The following JPH3 variants were observed in gnomAD, a reference collection of about 807,000 sequenced individuals.
JPH3 encodes the protein junctophilin 3.
JPH3 carries 11 observed loss-of-function variants against 59.6 expected under a neutral mutation model. The observed-to-expected ratio is 0.18, with a 90% confidence interval of 0.12 to 0.31. The LOEUF is 0.31. JPH3 is among the 10% of genes least tolerant of loss of function. JPH3 has a pLI of 1.00. For synonymous variants in JPH3, 673 were observed against 483.6 expected, an observed-to-expected ratio of 1.39 and a Z score of -5.14; for missense variants, 1,202 against 1,105.7, an observed-to-expected ratio of 1.09 and a Z score of -1.24.
chr16:87,668,270 G>C (rs960905099), intron 2 of JPH3, among the ~76,000 whole-genome samples: 1 of 152,142 alleles, frequency 6.6e-6, no homozygotes, highest in African/African-American at 2.4e-5. Context: ...TGACAGCAGC[G>C]CTGCTGTCTC....
intron 2 of JPH3, among the ~76,000 whole-genome samples, chr16:87,677,602 G>C (rs1287878755): frequency 1.3e-5 from 2 of 152,182 alleles, no homozygotes; most frequent in East Asian, 3.9e-4. Flanking sequence ...GCCTGCCCAG[G>C]TAAAGCAGCT....
At chr16:87,673,166 A>G (rs746950218) in intron 2 of JPH3, among the ~76,000 whole-genome samples, 7 of 152,142 alleles carry the variant, frequency 4.6e-5, no homozygotes, top group Non-Finnish European at 8.8e-5. Flanking sequence ...AAAAGTTTAA[A>G]TGTAAAACAT....
In JPH3 at chr16:87,602,518, G is replaced by A. The variant is rs1277460161; in HGVS notation, c.-629G>A. ...CGCGCCGCGCGGCCCGAGCGCGCGA[G>A]CCGGGCCCGGAGCGCACGCCGCCGC... On this transcript the variant is annotated 5_prime_UTR_variant, in exon 1 of 5. Coordinates refer to ENST00000284262, the MANE Select transcript of JPH3 (RefSeq NM_020655.4). 7.2e-6 allele frequency among the ~76,000 whole-genome samples: 1 copy of A among 139,724 alleles called. No individual in the cohort carries two copies. The highest frequency in any genetic ancestry group is 1.6e-5 in the Non-Finnish European group (1 of 63,378). 91.7% of individuals were successfully genotyped at this position (139,724 alleles called of 152,430 possible).
At chr16:87,692,087 T>G (rs2033600332) in intron 4 of JPH3, among the ~76,000 whole-genome samples, 2 of 152,002 alleles carry the variant, frequency 1.3e-5, no homozygotes, top group Admixed American at 1.3e-4. Flanking sequence ...CTGGGGCTAA[T>G]CTGGAGGTCC....
intron 2 of JPH3, among the ~76,000 whole-genome samples, chr16:87,679,116 C>G (rs1272153236): frequency 2.0e-5 from 3 of 152,230 alleles, no homozygotes; most frequent in Non-Finnish European, 4.4e-5. Flanking sequence ...TGTGCCCATC[C>G]CCCAGCTGGC....
intron 2 of JPH3, among the ~76,000 whole-genome samples, chr16:87,682,126 C>A (rs991930196): frequency 6.6e-6 from 1 of 152,180 alleles, no homozygotes; most frequent in Non-Finnish European, 1.5e-5. Context: ...GCTCTTGGAG[C>A]CCTGGTGGGG....
rs764752579 is a variant in JPH3 at position 87,603,134 on chromosome 16, C to G, written c.-13C>G. ...TTTTCACCGTTTGCGGGATCTGGAA[C>G]CGAGTTACATGCATGTCCAGTGGGG... On this transcript the variant is annotated 5_prime_UTR_variant, in exon 1 of 5. Transcript: ENST00000284262. The G allele has an allele frequency of 6.2e-7, 1 of 1,613,848 alleles. No individual in the cohort carries two copies. The highest frequency in any genetic ancestry group is 8.5e-7 in the Non-Finnish European group (1 of 1,179,874).
intron 3 of JPH3, among the ~76,000 whole-genome samples, chr16:87,685,218 C>G (rs948473927): frequency 6.6e-6 from 1 of 152,250 alleles, no homozygotes; most frequent in South Asian, 2.1e-4. Context: ...CACTCCAAGA[C>G]CTTGCCTTCA....
At chr16:87,637,020 C>G (rs545839659) in intron 1 of JPH3, among the ~76,000 whole-genome samples, 1 of 152,312 alleles carries the variant, frequency 6.6e-6, no homozygotes, top group African/African-American at 2.4e-5. Flanking sequence ...TCCACAAGGC[C>G]CTGTCGGCCA....
At position 87,696,790 on chromosome 16, in the gene JPH3, A is replaced by G; in HGVS notation, c.*130A>G. 1.4e-6 allele frequency: 1 copy of G among 735,554 alleles called. No homozygotes were observed. The highest frequency in any genetic ancestry group is 2.4e-6 in the Non-Finnish European group (1 of 424,118). The allele number at this position is 735,554 out of a possible 1,614,324, so 45.6% of individuals were successfully genotyped here. A position where few individuals can be genotyped will look rare whatever the true frequency, so the allele number is the denominator to read the frequency against. ...GACTTCCAAGTCCTCTCACAGAAGA[A>G]CCACACGATTGGGTATCACTCACAG... is the stretch of plus-strand genomic sequence containing the variant. On this transcript the variant is annotated 3_prime_UTR_variant, in exon 5 of 5. Transcript: ENST00000284262.
At chr16:87,685,331 G>A (rs948360189) in intron 3 of JPH3, among the ~76,000 whole-genome samples, 57 of 152,188 alleles carry the variant, frequency 3.7e-4, no homozygotes, top group African/African-American at 1.2e-3. Flanking sequence ...ATTCCACTGC[G>A]TCCCCTCCAC....
chr16:87,605,362 A>C (rs1361371513), intron 1 of JPH3, among the ~76,000 whole-genome samples: 8 of 152,182 alleles, frequency 5.3e-5, no homozygotes, highest in Admixed American at 2.6e-4. Context: ...AATGTTTGCT[A>C]TGAGCCAGGT....
chr16:87,670,342 C>T (rs2032983193), intron 2 of JPH3, among the ~76,000 whole-genome samples: 1 of 152,194 alleles, frequency 6.6e-6, no homozygotes, highest in African/African-American at 2.4e-5. Flanking sequence ...CCACGTGTGG[C>T]CTCTGCAGGG....
intron 1 of JPH3, among the ~76,000 whole-genome samples, chr16:87,635,945 G>A (rs1357819378): frequency 6.6e-6 from 1 of 152,244 alleles, no homozygotes; most frequent in African/African-American, 2.4e-5. Flanking sequence ...ACCTTCCTCT[G>A]GGGTGTCTTC....
intron 2 of JPH3, chr16:87,653,511 C>G (rs2032394803): frequency 6.6e-6 from 1 of 152,160 alleles, no homozygotes; most frequent in Non-Finnish European, 1.5e-5. Flanking sequence ...AGTGGGCCGT[C>G]TAGGAAATGC....
intron 1 of JPH3, among the ~76,000 whole-genome samples, chr16:87,609,874 C>A (rs138070922): frequency 6.6e-6 from 1 of 152,136 alleles, no homozygotes; most frequent in Non-Finnish European, 1.5e-5. Context: ...ATGATTCAGG[C>A]GCATTCTATT....
At chr16:87,641,742 C>A (rs532652017) in intron 1 of JPH3, among the ~76,000 whole-genome samples, 1 of 152,242 alleles carries the variant, frequency 6.6e-6, no homozygotes, top group Admixed American at 6.5e-5. Flanking sequence ...GGGCTCTGTC[C>A]GGGGCTGCAG....
intron 2 of JPH3, 22 bp downstream of exon 2, chr16:87,645,057 G>T (rs1246640247): frequency 1.9e-6 from 3 of 1,585,390 alleles, no homozygotes; most frequent in Non-Finnish European, 8.5e-7. Flanking sequence ...AGGGGGCGGG[G>T]GGCCCTTCTT....
rs771463605 is a variant in JPH3 at position 87,690,455 on chromosome 16, C to T, written c.2095C>T (p.Pro699Ser). 4.0e-6 allele frequency: 6 copies of T among 1,486,504 alleles called. No homozygotes were observed. The highest frequency in any genetic ancestry group is 4.5e-6 in the Non-Finnish European group (5 of 1,120,106). The allele number at this position is 1,486,504 out of a possible 1,614,324, so 92.1% of individuals were successfully genotyped here. Residue 699 changes from proline to serine, a missense_variant, in exon 4 of 5, where the codon CCG becomes TCG. Coordinates refer to ENST00000284262, the MANE Select transcript of JPH3 (RefSeq NM_020655.4). The stretch of plus-strand genomic sequence containing the variant: ...GCTGCGTTGGGACTTGACCTTCTCC[C>T]CGCCCCAGAAATCCTTGCCTGTCGC... ...RLLRWDLTFSPPQKSLPVALE... is the reference protein window; with the variant it reads ...RLLRWDLTFSSPQKSLPVALE...
Sources: allele counts gnomAD v4.1 joint callset (sites outside exome capture counted in the v4.1 genomes callset), GRCh38; gene constraint gnomAD v4.1.1; transcripts MANE v1.5; gene names NCBI Gene and HGNC (gene_info 2026-07-23, HGNC 2026-07-21).